CNTN5: variants seen among roughly 807,000 people sequenced by gnomAD.
CNTN5 encodes the protein contactin-5.
Under a neutral mutation model 129.1 loss-of-function variants are expected in CNTN5, and 77 were observed. The observed-to-expected ratio is 0.60, with a 90% confidence interval of 0.50 to 0.72. The LOEUF (loss-of-function observed/expected upper bound fraction) is 0.72. Ranked by LOEUF, CNTN5 falls within the 30% of genes least tolerant of loss-of-function variation. The pLI, the probability that CNTN5 is intolerant of heterozygous loss-of-function variation, is 0.00. For missense variants in CNTN5, 1,478 were observed against 1,328.8 expected (o/e 1.11, Z -1.75); for synonymous variants, 509 against 465.6 (o/e 1.09, Z -1.20).
At chr11:99,100,944 A>G (rs1045329217) in intron 1 of CNTN5, among the ~76,000 whole-genome samples, 2 of 152,310 alleles carry the variant, frequency 1.3e-5, no homozygotes, top group Non-Finnish European at 2.9e-5. Context: ...AAGAATTAAT[A>G]TGATTGTATT....
chr11:99,725,345 G>C (rs899800498), intron 3 of CNTN5, among the ~76,000 whole-genome samples: 3 of 151,844 alleles, frequency 2.0e-5, no homozygotes, highest in East Asian at 1.9e-4. Flanking sequence ...AACTATGATA[G>C]AGAGCGATTT....
chr11:99,214,833 G>T (rs1249927899), intron 1 of CNTN5, among the ~76,000 whole-genome samples: 1 of 151,988 alleles, frequency 6.6e-6, no homozygotes, highest in Non-Finnish European at 1.5e-5. Flanking sequence ...ATCCAACTCA[G>T]CTACCCTCCT....
intron 13 of CNTN5, among the ~76,000 whole-genome samples, chr11:100,173,359 T>A (rs867850163): frequency 1.1e-4 from 16 of 152,218 alleles, no homozygotes; most frequent in Admixed American, 2.6e-4. Context: ...CTAGCACTCA[T>A]CCCCAGAAAT....
Position 99,740,617 on chromosome 11 carries a change from G to A in CNTN5, c.56-78927G>A, listed in dbSNP as rs192332109. 4.4e-4 allele frequency among the ~76,000 whole-genome samples: 67 copies of A among 152,250 alleles called. 1 individual carries two copies. In the East Asian group the frequency reaches 9.3e-3, roughly 21 times the overall value. On this transcript the variant is annotated intron_variant, in intron 3 of 24. Coordinates refer to ENST00000524871, the MANE Select transcript of CNTN5 (RefSeq NM_014361.4). ...TCTTGATGTTTGTAGTCCTGACTTGGTAAGTAGACACAGGCTGGATTGCAG... is the reference window on the plus strand; with the variant it reads ...TCTTGATGTTTGTAGTCCTGACTTGATAAGTAGACACAGGCTGGATTGCAG...
At chr11:99,615,733 C>T (rs753044192) in intron 3 of CNTN5, among the ~76,000 whole-genome samples, 1 of 151,418 alleles carries the variant, frequency 6.6e-6, no homozygotes, top group African/African-American at 2.4e-5. Flanking sequence ...AATCCACACA[C>T]TTTATTTGGA....
rs571806458 is a variant in CNTN5 at position 99,181,904 on chromosome 11, C to A, written c.-209-143442C>A. On this transcript the variant is annotated intron_variant, in intron 1 of 24. Transcript: ENST00000524871. The stretch of plus-strand genomic sequence containing the variant: ...AAGGTACCACTAACAATTGAGCAAC[C>A]CGCATCTGAGGTTATATAGCAAAAG... 3.2e-4 allele frequency among the ~76,000 whole-genome samples: 48 copies of A among 152,144 alleles called. No individual in the cohort carries two copies. The South Asian group carries it at 6.9e-3, about 22-fold the overall frequency.
At chr11:99,702,443 G>T (rs1222733858) in intron 3 of CNTN5, among the ~76,000 whole-genome samples, 1 of 150,892 alleles carries the variant, frequency 6.6e-6, no homozygotes, top group Non-Finnish European at 1.5e-5. Flanking sequence ...AAGTACTTCA[G>T]TGGATAATGT....
chr11:100,003,172 G>C (rs886847160), intron 9 of CNTN5, among the ~76,000 whole-genome samples: 2 of 152,114 alleles, frequency 1.3e-5, no homozygotes, highest in Admixed American at 6.6e-5. Flanking sequence ...ACTTTAAGTA[G>C]AAACAACATC....
At chr11:99,096,516 T>G (rs1417405275) in intron 1 of CNTN5, among the ~76,000 whole-genome samples, 1 of 151,832 alleles carries the variant, frequency 6.6e-6, no homozygotes, top group Non-Finnish European at 1.5e-5. Context: ...ATTGCATAGA[T>G]TTCAAAGTGT....
chr11:100,044,334 G>A (rs929537145), intron 9 of CNTN5, among the ~76,000 whole-genome samples: 3 of 151,958 alleles, frequency 2.0e-5, no homozygotes, highest in African/African-American at 7.2e-5. Context: ...TTTTCCTGTA[G>A]GTAGATACCC....
chr11:99,445,275 C>T (rs1200014336), intron 2 of CNTN5, among the ~76,000 whole-genome samples: 3 of 151,118 alleles, frequency 2.0e-5, no homozygotes, highest in Non-Finnish European at 2.9e-5. Context: ...TCCATTTCAC[C>T]TCAGCTAATG....
intron 1 of CNTN5, among the ~76,000 whole-genome samples, chr11:99,222,064 C>T (rs530540326): frequency 2.0e-5 from 3 of 151,836 alleles, no homozygotes; most frequent in Non-Finnish European, 4.4e-5. Flanking sequence ...TATTTGCTTA[C>T]TGATGTCACA....
intron 3 of CNTN5, among the ~76,000 whole-genome samples, chr11:99,699,056 A>G (rs1245756801): frequency 6.6e-6 from 1 of 151,490 alleles, no homozygotes; most frequent in Non-Finnish European, 1.5e-5. Context: ...AAGGTAGATC[A>G]TGGTATATCT....
At chr11:99,235,949 C>T (rs975708890) in intron 1 of CNTN5, among the ~76,000 whole-genome samples, 4 of 152,118 alleles carry the variant, frequency 2.6e-5, no homozygotes, top group Admixed American at 6.5e-5. Flanking sequence ...TAGGACTTCA[C>T]GTCATGGACG....
intron 9 of CNTN5, among the ~76,000 whole-genome samples, chr11:100,047,644 G>A (rs1180935129): frequency 6.6e-6 from 1 of 152,146 alleles, no homozygotes; most frequent in Non-Finnish European, 1.5e-5. Flanking sequence ...CATTGTGATG[G>A]TTAATTTTAG....
chr11:99,915,041 TA>T (rs942120818), intron 6 of CNTN5, among the ~76,000 whole-genome samples: 26 of 152,200 alleles, frequency 1.7e-4, no homozygotes, highest in Non-Finnish European at 3.2e-4. Context: ...AAATATATTT[TA>T]AAAATCTATT....
chr11:99,830,830 A>G (rs1475307667), intron 4 of CNTN5, among the ~76,000 whole-genome samples: 1 of 152,174 alleles, frequency 6.6e-6, no homozygotes, highest in Non-Finnish European at 1.5e-5. Flanking sequence ...ACCATTTCAT[A>G]GTCTCCTCTT....
At chr11:100,025,036 G>A (rs537373519) in intron 9 of CNTN5, among the ~76,000 whole-genome samples, 1 of 152,180 alleles carries the variant, frequency 6.6e-6, no homozygotes, top group Non-Finnish European at 1.5e-5. Flanking sequence ...AAGACAATGG[G>A]GAAAATGTCT....
rs528479123 is a variant in CNTN5 at position 100,180,377 on chromosome 11, G to A, written c.1581-10749G>A. ...TTCAATGGAAAAAGGATAGCCTTTT[G>A]GAAAATGGTGCTAGAGTGATTTAAT... On this transcript the variant is annotated intron_variant, in intron 13 of 24. Coordinates refer to ENST00000524871, the MANE Select transcript of CNTN5 (RefSeq NM_014361.4). Among the ~76,000 whole-genome samples, 217 of 151,936 alleles carry A rather than the reference G, an allele frequency of 1.4e-3. 1 individual carries two copies. Among genetic ancestry groups the A allele is most frequent in the South Asian group, 2.1e-3 (10 of 4,820 alleles).
Sources: allele counts gnomAD v4.1 joint callset (sites outside exome capture counted in the v4.1 genomes callset), GRCh38; gene constraint gnomAD v4.1.1; transcripts MANE v1.5; gene names NCBI Gene and HGNC (gene_info 2026-07-23, HGNC 2026-07-21).